The following MARCHF4 variants were observed in gnomAD, a reference collection of about 807,000 sequenced individuals.
MARCHF4 encodes E3 ubiquitin-protein ligase MARCHF4.
Under a neutral mutation model 43.9 loss-of-function variants are expected in MARCHF4, and 14 were observed. The ratio of observed to expected loss-of-function variants is 0.32; its 90% CI spans 0.21 to 0.50. MARCHF4 has a LOEUF of 0.50. Ranked by LOEUF, MARCHF4 falls within the 20% of genes least tolerant of loss-of-function variation. MARCHF4 has a pLI of 0.98. For synonymous variants in MARCHF4, 226 were observed against 213.3 expected, an observed-to-expected ratio of 1.06 and a Z score of -0.52; for missense variants, 468 against 536.7, an observed-to-expected ratio of 0.87 and a Z score of 1.27.
At chr2:216,331,306 A>G (rs1692078939) in intron 1 of MARCHF4, among the ~76,000 whole-genome samples, 1 of 152,120 alleles carries the variant, frequency 6.6e-6, no homozygotes, top group Admixed American at 6.5e-5. Context: ...AAACAATTAA[A>G]AAATAAAAAT....
At chr2:216,336,299 T>A (rs768173972) in intron 1 of MARCHF4, among the ~76,000 whole-genome samples, 1 of 152,078 alleles carries the variant, frequency 6.6e-6, no homozygotes, top group Non-Finnish European at 1.5e-5. Flanking sequence ...CATTCTGGTG[T>A]CTAATGAGGA....
At chr2:216,329,517 A>G (rs1692051402) in intron 1 of MARCHF4, among the ~76,000 whole-genome samples, 1 of 152,058 alleles carries the variant, frequency 6.6e-6, no homozygotes, top group Admixed American at 6.6e-5. Flanking sequence ...AGTGGCCACT[A>G]TAAGAAGAAT....
chr2:216,271,366 G>A (rs1690934241), intron 3 of MARCHF4, among the ~76,000 whole-genome samples: 1 of 152,136 alleles, frequency 6.6e-6, no homozygotes, highest in Non-Finnish European at 1.5e-5. Flanking sequence ...TTGGAAACTA[G>A]CTCAAGGATA....
At chr2:216,369,617 G>A in intron 1 of MARCHF4, 128 bp downstream of exon 1, 3 of 694,614 alleles carry the variant, frequency 4.3e-6, no homozygotes, top group Non-Finnish European at 7.0e-6. Context: ...AAACATCAAT[G>A]AGGGCTCTTA....
chr2:216,367,472 G>T (rs542297550), intron 1 of MARCHF4, among the ~76,000 whole-genome samples: 1 of 152,080 alleles, frequency 6.6e-6, no homozygotes, highest in East Asian at 1.9e-4. Flanking sequence ...AGAAGAAACT[G>T]GGAAACTGTG....
At chr2:216,353,272 A>G (rs898100996) in intron 1 of MARCHF4, among the ~76,000 whole-genome samples, 2 of 152,246 alleles carry the variant, frequency 1.3e-5, no homozygotes, top group Admixed American at 6.5e-5. Flanking sequence ...AGAAAATCAA[A>G]TTAACCATAA....
chr2:216,263,226 A>G (rs1218100557), intron 3 of MARCHF4, among the ~76,000 whole-genome samples: 2 of 152,346 alleles, frequency 1.3e-5, no homozygotes, highest in East Asian at 3.9e-4. Context: ...CAGGAATTCA[A>G]GACCAGCCAG....
chr2:216,308,187 A>C (rs565068399), intron 1 of MARCHF4, among the ~76,000 whole-genome samples: 2 of 152,226 alleles, frequency 1.3e-5, no homozygotes, highest in Non-Finnish European at 2.9e-5. Flanking sequence ...AGATCGCTTG[A>C]GCTCAGGAGT....
intron 1 of MARCHF4, among the ~76,000 whole-genome samples, chr2:216,297,548 G>A (rs776097435): frequency 1.3e-5 from 2 of 152,166 alleles, no homozygotes; most frequent in South Asian, 4.1e-4. Context: ...TTTCCCTCTT[G>A]TTGCCCAGGC....
chr2:216,300,337 G>GATATATATATATGTATATAT (rs1229343644), intron 1 of MARCHF4, among the ~76,000 whole-genome samples: 3 of 124,180 alleles, frequency 2.4e-5, no homozygotes, highest in Non-Finnish European at 4.7e-5. Flanking sequence ...TGTCCATCTC[G>GATATATATATATGTATATAT]ATATATATAT....
At chr2:216,316,354 A>G (rs1189228735) in intron 1 of MARCHF4, among the ~76,000 whole-genome samples, 1 of 152,160 alleles carries the variant, frequency 6.6e-6, no homozygotes, top group Non-Finnish European at 1.5e-5. Context: ...GCCCCTTTCT[A>G]AAACGGAGGC....
intron 3 of MARCHF4, among the ~76,000 whole-genome samples, chr2:216,262,165 TGGGAAATAATTATCTCGGAAAGTA>T (rs1310237498): frequency 2.0e-5 from 3 of 152,080 alleles, no homozygotes; most frequent in African/African-American, 7.2e-5. Flanking sequence ...GAGGAGAAGG[TGGGAAATAATTATCTCGGAAAGTA>T]GGAGTGTGAA....
At chr2:216,309,730 G>A (rs1483677038) in intron 1 of MARCHF4, among the ~76,000 whole-genome samples, 1 of 152,212 alleles carries the variant, frequency 6.6e-6, no homozygotes, top group Admixed American at 6.5e-5. Flanking sequence ...GCTAGACCCA[G>A]CTACACAGAC....
intron 1 of MARCHF4, among the ~76,000 whole-genome samples, chr2:216,321,305 T>C (rs1691892202): frequency 6.6e-6 from 1 of 152,174 alleles, no homozygotes; most frequent in Non-Finnish European, 1.5e-5. Context: ...GCCCCCACTC[T>C]CATGAAGCTC....
At chr2:216,321,467 C>T (rs16855908) in intron 1 of MARCHF4, 1 of 152,166 alleles carries the variant, frequency 6.6e-6, no homozygotes. Context: ...AGGAATGATG[C>T]TTGAGCCAAG....
chr2:216,353,702 C>T (rs1030226156), intron 1 of MARCHF4, among the ~76,000 whole-genome samples: 4 of 152,216 alleles, frequency 2.6e-5, no homozygotes, highest in African/African-American at 9.6e-5. Context: ...TGCCTGCCAC[C>T]ATGCCCAGCT....
At chr2:216,270,432 C>T (rs553079328) in intron 3 of MARCHF4, among the ~76,000 whole-genome samples, 51 of 152,194 alleles carry the variant, frequency 3.4e-4, no homozygotes, top group African/African-American at 1.2e-3. Context: ...AGTCACCAAC[C>T]CTTGTCAGAA....
At chr2:216,358,611 G>T (rs2105983323) in intron 1 of MARCHF4, among the ~76,000 whole-genome samples, 1 of 152,232 alleles carries the variant, frequency 6.6e-6, no homozygotes, top group East Asian at 1.9e-4. Flanking sequence ...AATACTTATT[G>T]CATGCTTAAT....
chr2:216,320,402 T>C (rs1250517708), intron 1 of MARCHF4, among the ~76,000 whole-genome samples: 1 of 152,204 alleles, frequency 6.6e-6, no homozygotes, highest in Non-Finnish European at 1.5e-5. Flanking sequence ...ATTCAATCCT[T>C]TGGGGAAGAT....
Sources: allele counts gnomAD v4.1 joint callset (sites outside exome capture counted in the v4.1 genomes callset), GRCh38; gene constraint gnomAD v4.1.1; transcripts MANE v1.5; gene names NCBI Gene and HGNC (gene_info 2026-07-23, HGNC 2026-07-21).